The following SPG11 variants were observed in gnomAD, a reference collection of about 807,000 sequenced individuals.
SPG11 encodes the protein spatacsin.
Under a neutral mutation model 274.0 loss-of-function variants are expected in SPG11, and 222 were observed. The ratio of observed to expected loss-of-function variants is 0.81; its 90% CI spans 0.73 to 0.91. The LOEUF (loss-of-function observed/expected upper bound fraction) is 0.91, where lower values mean the gene tolerates loss of function less well. Ranked by LOEUF, SPG11 falls within the 40% of genes least tolerant of loss-of-function variation. The probability of loss-of-function intolerance (pLI) is 0.00; values close to 1 mark genes in which losing one functional copy is unlikely to be tolerated. For missense variants in SPG11, 3,114 were observed against 2,872.7 expected (o/e 1.08, Z -1.92); for synonymous variants, 1,144 against 1,039.7 (o/e 1.10, Z -1.93).
At chr15:44,630,552 C>G (rs566814545) in intron 8 of SPG11, among the ~76,000 whole-genome samples, 1 of 152,154 alleles carries the variant, frequency 6.6e-6, no homozygotes, top group Non-Finnish European at 1.5e-5. Flanking sequence ...AGACCAAACT[C>G]TGCACTCAAA....
chr15:44,586,229 A>G (rs2082762911), intron 28 of SPG11, among the ~76,000 whole-genome samples: 1 of 151,890 alleles, frequency 6.6e-6, no homozygotes, highest in Non-Finnish European at 1.5e-5. Flanking sequence ...AAAAAAAACT[A>G]TTTTTCTACT....
At chr15:44,611,360 TGAA>T (rs1444056161) in intron 17 of SPG11, among the ~76,000 whole-genome samples, 9 of 152,150 alleles carry the variant, frequency 5.9e-5, no homozygotes, top group African/African-American at 1.9e-4. Flanking sequence ...AACCAATTTA[TGAA>T]GGAGGAAATA....
At position 44,614,951 on chromosome 15, in the gene SPG11, A is replaced by T. The variant is rs905954633; in HGVS notation, c.3038+412T>A. Among the ~76,000 whole-genome samples, 8 of 152,318 alleles carry T rather than the reference A, an allele frequency of 5.3e-5. 1 individual carries two copies. Among genetic ancestry groups the T allele is most frequent in the Admixed American group, 3.9e-4 (6 of 15,290 alleles). On this transcript the variant is annotated intron_variant, in intron 16 of 39. Transcript: ENST00000261866. Reference sequence around the variant, plus strand: ...CGTGTGTGTGTCTATAGAAATATAAATTTTAGAGCATATCTAATATACCTT... The same window carrying T: ...CGTGTGTGTGTCTATAGAAATATAATTTTTAGAGCATATCTAATATACCTT...
rs752482400 is a variant in SPG11 at position 44,660,427 on chromosome 15, C to A, written c.442+5G>T. ...TATGCTGAAAGACCACCTGTAGATA[C>A]TTACTGATATCTTGATCGTCAATGA... On this transcript the variant is annotated splice_donor_5th_base_variant and intron_variant, in intron 2 of 39. Coordinates refer to ENST00000261866, the MANE Select transcript of SPG11 (RefSeq NM_025137.4). 4 of 1,612,460 alleles carry A rather than the reference C, an allele frequency of 2.5e-6. No homozygotes were observed. In the South Asian group the frequency reaches 4.4e-5, roughly 18 times the overall value.
At position 44,663,444 on chromosome 15, in the gene SPG11, CAAAG is replaced by C. The variant is rs1566838250; in HGVS notation, c.200_203del (p.Ser67Ter). 2 of 1,602,656 alleles carry C rather than the reference CAAAG, an allele frequency of 1.2e-6. No individual in the cohort carries two copies. The highest frequency in any genetic ancestry group is 1.7e-5 in the Admixed American group (1 of 58,660). On this transcript the variant is annotated frameshift_variant, in exon 1 of 40. Coordinates refer to ENST00000261866, the MANE Select transcript of SPG11 (RefSeq NM_025137.4). LOFTEE classifies it high-confidence loss of function. ...GACCCCCGCCCCGGCTGCCAGGCGTCAAAGAAAGCACTTGGAGGCTGCCCGCAGC... is the reference window on the plus strand; with the variant it reads ...GACCCCCGCCCCGGCTGCCAGGCGTCAAAGCACTTGGAGGCTGCCCGCAGC...
chr15:44,594,449 C>A (rs2082981893), intron 26 of SPG11, among the ~76,000 whole-genome samples: 1 of 151,474 alleles, frequency 6.6e-6, no homozygotes, highest in South Asian at 2.1e-4. Context: ...AAACAAAAAA[C>A]AAAAAACCAC....
rs2083705823 is a variant in SPG11, at chr15:44,620,293, A to T, written c.2731T>A (p.Ser911Thr). The T allele has an allele frequency of 1.9e-6, 3 of 1,614,040 alleles. No individual in the cohort carries two copies. The highest frequency in any genetic ancestry group is 1.3e-5 in the African/African-American group (1 of 75,036). ...GEFQTQHSYA[S>T]LQQNKWPLLT... The stretch of plus-strand genomic sequence containing the variant: ...AGGGGCCATTTGTTCTGCTGAAGTG[A>T]AGCATAACTATGCTGGGTTTGAAAT... The change falls in exon 15 of 40, where the codon TCA becomes ACA. Residue 911 changes from serine (S) to threonine (T), a missense_variant. Physicochemically the swap from Ser to Thr is moderately conservative, Grantham distance 58. Coordinates refer to ENST00000261866, the MANE Select transcript of SPG11 (RefSeq NM_025137.4).
In SPG11 at chr15:44,562,750, T is replaced by C. The variant is rs2082217990; in HGVS notation, c.*371A>G. On this transcript the variant is annotated 3_prime_UTR_variant, in exon 40 of 40. Coordinates refer to ENST00000261866, the MANE Select transcript of SPG11 (RefSeq NM_025137.4). Reference sequence around the variant, plus strand: ...GATCAGTTTCTAACAAATGAAAATGTATCACCTGTTCCTTAACTGTGTAAA... The same window carrying C: ...GATCAGTTTCTAACAAATGAAAATGCATCACCTGTTCCTTAACTGTGTAAA... 1 of 184,142 alleles carries C rather than the reference T, an allele frequency of 5.4e-6. No homozygotes were observed. The highest frequency in any genetic ancestry group is 2.4e-5 in the African/African-American group (1 of 42,106). The allele number at this position is 184,142 out of a possible 1,614,324, so 11.4% of individuals were successfully genotyped here.
At chr15:44,639,134 T>C (rs1661863941) in intron 7 of SPG11, among the ~76,000 whole-genome samples, 1 of 152,134 alleles carries the variant, frequency 6.6e-6, no homozygotes, top group South Asian at 2.1e-4. Flanking sequence ...AAGGAGATTA[T>C]TCATATGATT....
chr15:44,563,018 C>T lies in SPG11; in HGVS notation c.*103G>A, dbSNP rs771772075. The T allele has an allele frequency of 4.5e-5, 53 of 1,177,696 alleles. No individual in the cohort carries two copies. The highest frequency in any genetic ancestry group is 2.4e-4 in the African/African-American group (16 of 65,992). The allele number at this position is 1,177,696 out of a possible 1,614,324, so 73.0% of individuals were successfully genotyped here. A position where few individuals can be genotyped will look rare whatever the true frequency, so the allele number is the denominator to read the frequency against. On this transcript the variant is annotated 3_prime_UTR_variant, in exon 40 of 40. Transcript: ENST00000261866. ...ACAAAGGACTGATATGGTACAGTACCGGGATTGTTCAACTTTAGCAAAGAT... is the reference window on the plus strand; with the variant it reads ...ACAAAGGACTGATATGGTACAGTACTGGGATTGTTCAACTTTAGCAAAGAT...
chr15:44,629,516 G>C, intron 8 of SPG11, 128 bp from the exon 9 acceptor site: 1 of 1,102,104 alleles, frequency 9.1e-7, no homozygotes, highest in Non-Finnish European at 1.3e-6. Flanking sequence ...TTTTCAAAAA[G>C]CTCACAAAAC....
intron 7 of SPG11, among the ~76,000 whole-genome samples, chr15:44,643,008 A>G (rs942908060): frequency 4.6e-5 from 7 of 152,248 alleles, no homozygotes; most frequent in African/African-American, 1.7e-4. Flanking sequence ...GGTGGATACA[A>G]GAATATTTGT....
intron 7 of SPG11, among the ~76,000 whole-genome samples, chr15:44,636,958 CAAAAAA>C (rs1328250311): frequency 2.2e-5 from 2 of 89,102 alleles, no homozygotes; most frequent in South Asian, 3.5e-4. Context: ...AAAAAAAAAA[CAAAAAA>C]AAAACACAAA....
chr15:44,563,617 C>T (rs150407236), intron 39 of SPG11, among the ~76,000 whole-genome samples: 21 of 151,758 alleles, frequency 1.4e-4, no homozygotes, highest in East Asian at 9.8e-4. Flanking sequence ...GGATTACAGG[C>T]GTGAGTCACT....
intron 27 of SPG11, among the ~76,000 whole-genome samples, chr15:44,591,897 G>A: frequency 6.6e-6 from 1 of 152,112 alleles, no homozygotes; most frequent in East Asian, 1.9e-4. Context: ...ATCACTTGAG[G>A]TCAGGAGTTC....
chr15:44,635,614 A>G (rs948896602), intron 7 of SPG11, among the ~76,000 whole-genome samples: 7 of 150,584 alleles, frequency 4.6e-5, no homozygotes, highest in Non-Finnish European at 7.4e-5. Context: ...AAAAAAAAAA[A>G]AAAAAAGAAA....
At chr15:44,645,482 G>T (rs533524897) in intron 7 of SPG11, among the ~76,000 whole-genome samples, 1 of 152,092 alleles carries the variant, frequency 6.6e-6, no homozygotes, top group Non-Finnish European at 1.5e-5. Flanking sequence ...TTTGATTAAA[G>T]ACTTAAAAGT....
At chr15:44,635,681 C>G (rs1374859064) in intron 7 of SPG11, among the ~76,000 whole-genome samples, 3 of 149,980 alleles carry the variant, frequency 2.0e-5, no homozygotes, top group Non-Finnish European at 4.4e-5. Context: ...TTTTGGGAGG[C>G]TGATGAGGGT....
At chr15:44,591,248 A>G (rs977878760) in intron 27 of SPG11, among the ~76,000 whole-genome samples, 1 of 152,246 alleles carries the variant, frequency 6.6e-6, no homozygotes, top group Non-Finnish European at 1.5e-5. Context: ...AATTGCTACT[A>G]TTCCTGCTTA....
Sources: gnomAD v4.1 joint callset for allele counts (sites outside exome capture counted in the v4.1 genomes callset) on GRCh38, gnomAD v4.1.1 for gene constraint, MANE v1.5 for transcripts, NCBI Gene and HGNC (gene_info 2026-07-23, HGNC 2026-07-21) for gene names.